ENOX2: variants seen among roughly 807,000 people sequenced by gnomAD.
The protein encoded by ENOX2 is ecto-NOX disulfide-thiol exchanger 2.
A neutral mutation model predicts 45.0 loss-of-function variants in ENOX2; 36 were observed. The observed-to-expected ratio is 0.80, with a 90% CI of 0.61 to 1.06. ENOX2 has a LOEUF of 1.06. Ranked by LOEUF, ENOX2 falls within the 50% of genes least tolerant of loss-of-function variation. The pLI, the probability that ENOX2 is intolerant of heterozygous loss-of-function variation, is 0.00. For missense variants in ENOX2, 423 were observed against 462.5 expected (o/e 0.91, Z 0.78); for synonymous variants, 174 against 152.3 (o/e 1.14, Z -1.05).
At chrX:130,645,622 T>C (rs764506738) in intron 10 of ENOX2, 109 of 387,348 alleles carry the variant, frequency 2.8e-4, no homozygotes, top group Admixed American at 5.9e-4. Context: ...CCGCAGGCCA[T>C]GGGGCCCGCG....
At chrX:130,858,398 G>A (rs1471810363) in intron 2 of ENOX2, among the ~76,000 whole-genome samples, 1 of 111,193 alleles carries the variant, frequency 9.0e-6, no homozygotes, top group African/African-American at 3.3e-5. Context: ...GATTACAGAT[G>A]TGAGCCACAG....
At chrX:130,786,597 C>A (rs1318406979) in intron 2 of ENOX2, among the ~76,000 whole-genome samples, 6 of 91,612 alleles carry the variant, frequency 6.5e-5, no homozygotes, top group Admixed American at 2.5e-4. Flanking sequence ...TGTTCCCCTT[C>A]CTGTGTTCAT....
chrX:130,674,245 C>T (rs2037069878), intron 6 of ENOX2, among the ~76,000 whole-genome samples: 1 of 108,916 alleles, frequency 9.2e-6, no homozygotes, highest in Admixed American at 9.8e-5. Flanking sequence ...CACTATTACA[C>T]AATATACTCA....
chrX:130,763,791 A>C (rs1342746711), intron 3 of ENOX2, among the ~76,000 whole-genome samples: 1 of 111,025 alleles, frequency 9.0e-6, no homozygotes, highest in Non-Finnish European at 1.9e-5. Flanking sequence ...AGAAGTGTTG[A>C]TGTGCCTCAT....
intron 12 of ENOX2, among the ~76,000 whole-genome samples, chrX:130,632,467 T>A (rs2035796219): frequency 9.2e-6 from 1 of 108,482 alleles, no homozygotes; most frequent in African/African-American, 3.4e-5. Flanking sequence ...TTTCTCTCTT[T>A]GGGTACGGAG....
chrX:130,744,479 T>C (rs912906454), intron 3 of ENOX2, among the ~76,000 whole-genome samples: 2 of 111,991 alleles, frequency 1.8e-5, no homozygotes, highest in Non-Finnish European at 3.8e-5. Flanking sequence ...ATCATTTAGA[T>C]ATGTGGAAGT....
chrX:130,642,558 G>A (rs914995533), intron 10 of ENOX2, among the ~76,000 whole-genome samples: 1 of 112,406 alleles, frequency 8.9e-6, no homozygotes, highest in African/African-American at 3.2e-5. Flanking sequence ...TGGGTAAAAT[G>A]CTATCAAACA....
intron 13 of ENOX2, 110 bp from the exon 14 acceptor site, chrX:130,628,153 C>T: frequency 1.9e-6 from 1 of 529,140 alleles, no homozygotes; most frequent in Non-Finnish European, 3.4e-6. Flanking sequence ...ATATACTGGA[C>T]ACTATTCTAA....
At chrX:130,788,482 G>C (rs2076999107) in intron 2 of ENOX2, among the ~76,000 whole-genome samples, 1 of 111,306 alleles carries the variant, frequency 9.0e-6, no homozygotes, top group Admixed American at 9.6e-5. Context: ...TTCCTTGCTG[G>C]GCTCCCAGGC....
intron 2 of ENOX2, among the ~76,000 whole-genome samples, chrX:130,860,666 A>C (rs1455162430): frequency 9.0e-6 from 1 of 111,086 alleles, no homozygotes; most frequent in Non-Finnish European, 1.9e-5. Flanking sequence ...TCTGAATCTA[A>C]CCACTCCTTT....
At chrX:130,756,356 T>G (rs2039355297) in intron 3 of ENOX2, among the ~76,000 whole-genome samples, 1 of 112,175 alleles carries the variant, frequency 8.9e-6, no homozygotes, top group South Asian at 3.7e-4. Flanking sequence ...CTATTGTATG[T>G]TTTTTGTGAA....
At chrX:130,788,491 G>A (rs958254796) in intron 2 of ENOX2, among the ~76,000 whole-genome samples, 4 of 111,592 alleles carry the variant, frequency 3.6e-5, no homozygotes, top group African/African-American at 1.3e-4. Flanking sequence ...GGGCTCCCAG[G>A]CATTCAGCTT....
chrX:130,776,273 C>T (rs1048562667), intron 3 of ENOX2, among the ~76,000 whole-genome samples: 12 of 111,624 alleles, frequency 1.1e-4, no homozygotes, highest in African/African-American at 3.6e-4. Context: ...ATTCTCTAGA[C>T]GAAGTTATAC....
intron 5 of ENOX2, among the ~76,000 whole-genome samples, 166 bp from the exon 6 acceptor site, chrX:130,679,914 G>C (rs1239345152): frequency 8.9e-6 from 1 of 111,947 alleles, no homozygotes; most frequent in Non-Finnish European, 1.9e-5. Flanking sequence ...CTGACTGAGT[G>C]AACCTGAAAA....
At chrX:130,898,732 TTTTC>T (rs1320696616) in intron 2 of ENOX2, among the ~76,000 whole-genome samples, 1 of 109,119 alleles carries the variant, frequency 9.2e-6, no homozygotes, top group Non-Finnish European at 1.9e-5. Flanking sequence ...ATGTTCTTTT[TTTTC>T]TTTTTTTTTT....
At chrX:130,727,720 G>A (rs1455760455) in intron 3 of ENOX2, among the ~76,000 whole-genome samples, 1 of 112,156 alleles carries the variant, frequency 8.9e-6, no homozygotes, top group Non-Finnish European at 1.9e-5. Flanking sequence ...CACATCTTCT[G>A]TTTTCTCTTG....
At chrX:130,836,640 TCTGA>T (rs1248835010) in intron 2 of ENOX2, among the ~76,000 whole-genome samples, 1 of 111,637 alleles carries the variant, frequency 9.0e-6, no homozygotes, top group East Asian at 2.8e-4. Context: ...AGCTGTTATC[TCTGA>T]CCCAGGAAGT....
intron 3 of ENOX2, among the ~76,000 whole-genome samples, chrX:130,729,021 T>C (rs1455037337): frequency 2.7e-5 from 3 of 111,073 alleles, no homozygotes; most frequent in Non-Finnish European, 5.7e-5. Context: ...TCATTCAGAG[T>C]TTAAACAGTG....
intron 3 of ENOX2, among the ~76,000 whole-genome samples, chrX:130,751,412 G>A (rs1249504394): frequency 2.7e-5 from 3 of 112,071 alleles, no homozygotes; most frequent in African/African-American, 6.5e-5. Flanking sequence ...ATATTCTACC[G>A]TATGGATATA....
Sources: gnomAD v4.1 joint callset for allele counts (sites outside exome capture counted in the v4.1 genomes callset) on GRCh38, gnomAD v4.1.1 for gene constraint, MANE v1.5 for transcripts, NCBI Gene and HGNC (gene_info 2026-07-23, HGNC 2026-07-21) for gene names.